Variants in BCL11B observed in about 807,000 individuals in gnomAD.
BCL11B encodes B-cell lymphoma/leukemia 11B.
Under a neutral mutation model 49.9 loss-of-function variants are expected in BCL11B, and 8 were observed. That is an observed-to-expected ratio of 0.16 (90% CI 0.09 to 0.29). BCL11B has a LOEUF of 0.29. Among genes scored for constraint, BCL11B ranks in the 10% least tolerant of loss-of-function variants. The probability of loss-of-function intolerance (pLI) is 1.00; values close to 1 mark genes in which losing one functional copy is unlikely to be tolerated. For missense variants in BCL11B, 1,006 were observed against 1,351.0 expected (o/e 0.74, Z 4.00); for synonymous variants, 739 against 637.4 (o/e 1.16, Z -2.40).
chr14:99,254,035 T>G (rs1255159749), intron 2 of BCL11B, among the ~76,000 whole-genome samples: 2 of 152,212 alleles, frequency 1.3e-5, no homozygotes, highest in Non-Finnish European at 2.9e-5. Flanking sequence ...GGATCCAGAA[T>G]GCACACGTCA....
chr14:99,214,126 G>C (rs1887763978), intron 3 of BCL11B, among the ~76,000 whole-genome samples: 1 of 152,152 alleles, frequency 6.6e-6, no homozygotes, highest in Non-Finnish European at 1.5e-5. Context: ...TTCTGGCACA[G>C]TGAGTGTCCC....
At chr14:99,260,684 T>C (rs1423125491) in intron 1 of BCL11B, among the ~76,000 whole-genome samples, 1 of 152,160 alleles carries the variant, frequency 6.6e-6, no homozygotes, top group African/African-American at 2.4e-5. Context: ...ACATCTGGTA[T>C]TCTTTCCTTT....
In BCL11B at chr14:99,242,837, G is replaced by A. The variant is rs908863578; in HGVS notation, c.428-11280C>T. Among the ~76,000 whole-genome samples, 1 of 152,190 alleles carries A rather than the reference G, an allele frequency of 6.6e-6. No homozygotes were observed. The highest frequency in any genetic ancestry group is 2.4e-5 in the African/African-American group (1 of 41,446). ...AAAAAGTAAAATGGAGCCCCAATAG[G>A]ACACTTAGGCCCTCTGGCTTCCCTA... is the stretch of plus-strand genomic sequence containing the variant. On this transcript the variant is annotated intron_variant, in intron 2 of 3. Coordinates refer to ENST00000357195, the MANE Select transcript of BCL11B (RefSeq NM_138576.4). This position sits in a 1 kb window ranked among gnomAD's most constrained non-coding sequence, Gnocchi z 4.4.
At chr14:99,217,083 C>A (rs144939767) in intron 3 of BCL11B, among the ~76,000 whole-genome samples, 1 of 152,124 alleles carries the variant, frequency 6.6e-6, no homozygotes, top group Non-Finnish European at 1.5e-5. Context: ...CACATGCACA[C>A]CCCCACATTC....
intron 2 of BCL11B, among the ~76,000 whole-genome samples, chr14:99,256,507 GGCT>G (rs1226491057): frequency 2.0e-5 from 3 of 152,156 alleles, no homozygotes; most frequent in Non-Finnish European, 4.4e-5. Context: ...CTCCAGCACA[GGCT>G]GCTGCTTTTT....
At chr14:99,271,010 C>G (rs1175658162) in intron 1 of BCL11B, 151 bp downstream of exon 1, 7 of 781,700 alleles carry the variant, frequency 9.0e-6, no homozygotes, top group Non-Finnish European at 1.1e-5. Context: ...CCCCGCCCCC[C>G]GCCATGCTCC....
At chr14:99,217,409 C>CACACACACACACAA (rs1887883688) in intron 3 of BCL11B, among the ~76,000 whole-genome samples, 1 of 151,130 alleles carries the variant, frequency 6.6e-6, no homozygotes, top group Non-Finnish European at 1.5e-5. Context: ...CACACACACA[C>CACACACACACACAA]ACACACACGG....
rs1434563254 is a variant in BCL11B at position 99,170,297 on chromosome 14, GAA to G, written c.*3852_*3853del. ...CTTTGCAAAGGTAAGTGGCAAGGAGGAAAGAGTGCATCGAACAGAAAAGCTTC... is the reference window on the plus strand; with the variant it reads ...CTTTGCAAAGGTAAGTGGCAAGGAGGAGAGTGCATCGAACAGAAAAGCTTC... On this transcript the variant is annotated 3_prime_UTR_variant, in exon 4 of 4. Coordinates refer to ENST00000357195, the MANE Select transcript of BCL11B (RefSeq NM_138576.4). 2 of 221,572 alleles carry G rather than the reference GAA, an allele frequency of 9.0e-6. No homozygotes were observed. Among genetic ancestry groups the G allele is most frequent in the Non-Finnish European group, 1.8e-5 (2 of 110,656 alleles). The allele number at this position is 221,572 out of a possible 1,614,324, so 13.7% of individuals were successfully genotyped here.
Position 99,240,188 on chromosome 14 carries a change from GGAAA to G in BCL11B, c.428-8635_428-8632del, listed in dbSNP as rs982267036. On this transcript the variant is annotated intron_variant, in intron 2 of 3. Coordinates refer to ENST00000357195, the MANE Select transcript of BCL11B (RefSeq NM_138576.4). ...TAGAAGGTTAAAAAGAAAGAAAAAA[GGAAA>G]GAAAGAAAGGAAGAGAGAGAAAAGA... 2.6e-4 allele frequency among the ~76,000 whole-genome samples: 40 copies of G among 151,998 alleles called. 1 individual carries two copies. Among genetic ancestry groups the G allele is most frequent in the African/African-American group, 8.9e-4 (37 of 41,432 alleles).
chr14:99,182,157 C>A (rs17098348), intron 3 of BCL11B, among the ~76,000 whole-genome samples: 37,994 of 152,040 alleles, frequency 0.25, 4,952 homozygotes, highest in East Asian at 0.41. Flanking sequence ...AAAGGCGGAA[C>A]TGGGGAAATA....
chr14:99,209,181 T>G (rs1053228459), intron 3 of BCL11B, among the ~76,000 whole-genome samples: 4 of 152,166 alleles, frequency 2.6e-5, no homozygotes, highest in Non-Finnish European at 5.9e-5. Flanking sequence ...TTTCCTCATT[T>G]GCAAGACGGG....
rs1480666151 is a variant in BCL11B at position 99,192,949 on chromosome 14, GTGAATAAGTGAA to G, written c.641-16766_641-16755del. On this transcript the variant is annotated intron_variant, in intron 3 of 3. Coordinates refer to ENST00000357195, the MANE Select transcript of BCL11B (RefSeq NM_138576.4). This position sits in a 1 kb window ranked among gnomAD's most constrained non-coding sequence, Gnocchi z 4.0. ...AATGAATGAGTAAATTAGTGAATAA[GTGAATAAGTGAA>G]TGAATGAATGAGTGAATAAGTGAGT... Among the ~76,000 whole-genome samples, 10 of 152,286 alleles carry G rather than the reference GTGAATAAGTGAA, an allele frequency of 6.6e-5. No homozygotes were observed. Among genetic ancestry groups the G allele is most frequent in the African/African-American group, 2.4e-4 (10 of 41,556 alleles).
chr14:99,249,638 G>A (rs188556215), intron 2 of BCL11B, among the ~76,000 whole-genome samples: 1 of 152,298 alleles, frequency 6.6e-6, no homozygotes, highest in East Asian at 1.9e-4. Flanking sequence ...TGCCGGAGTT[G>A]ACACCCTGGG....
chr14:99,265,872 T>G (rs1247652867), intron 1 of BCL11B, among the ~76,000 whole-genome samples: 2 of 152,238 alleles, frequency 1.3e-5, no homozygotes, highest in Non-Finnish European at 2.9e-5. Context: ...GGGTAACCTC[T>G]TCTGCTCATA....
intron 2 of BCL11B, among the ~76,000 whole-genome samples, chr14:99,249,241 T>TGAA (rs1318629591): frequency 6.6e-6 from 1 of 152,168 alleles, no homozygotes; most frequent in Non-Finnish European, 1.5e-5. Flanking sequence ...CATGACACAG[T>TGAA]GAAGACCCAG....
At position 99,199,240 on chromosome 14, in the gene BCL11B, A is replaced by C. The variant is rs190182261; in HGVS notation, c.641-23045T>G. On this transcript the variant is annotated intron_variant, in intron 3 of 3. Coordinates refer to ENST00000357195, the MANE Select transcript of BCL11B (RefSeq NM_138576.4). ...AGTTAGAAGTGTTCATTTTCATTTC[A>C]ATGTATTCATCTCTGGCTCCTAATG... is the stretch of plus-strand genomic sequence containing the variant. 2.6e-5 allele frequency among the ~76,000 whole-genome samples: 4 copies of C among 152,310 alleles called. No individual in the cohort carries two copies. In the East Asian group the frequency reaches 7.7e-4, roughly 29 times the overall value.
At chr14:99,216,924 A>G (rs1166573630) in intron 3 of BCL11B, among the ~76,000 whole-genome samples, 1 of 72,510 alleles carries the variant, frequency 1.4e-5, no homozygotes, top group Admixed American at 1.5e-4. Context: ...ATGTACTCAC[A>G]TGCACAAATA....
In BCL11B at chr14:99,175,903, C is replaced by G. The variant is rs201912349; in HGVS notation, c.933G>C (p.Pro311=). 6.9e-7 allele frequency: 1 copy of G among 1,452,830 alleles called. No individual in the cohort carries two copies. Among genetic ancestry groups the G allele is most frequent in the Non-Finnish European group, 9.0e-7 (1 of 1,105,496 alleles). 90.0% of individuals were successfully genotyped at this position (1,452,830 alleles called of 1,614,324 possible). A position where few individuals can be genotyped will look rare whatever the true frequency, so the allele number is the denominator to read the frequency against. Residue 311 remains proline, a synonymous_variant, in exon 4 of 4, where the codon CCG becomes CCC. Coordinates refer to ENST00000357195, the MANE Select transcript of BCL11B (RefSeq NM_138576.4). ...DHPGFGEGRL[P]GTPPLFSPPP... Reference sequence around the variant, plus strand: ...GGGGACTGAAGAGAGGCGGCGTGCCCGGCAGGCGGCCCTCGCCGAAGCCCG... The same window carrying G: ...GGGGACTGAAGAGAGGCGGCGTGCCGGGCAGGCGGCCCTCGCCGAAGCCCG...
At chr14:99,260,956 C>G (rs982977465) in intron 1 of BCL11B, among the ~76,000 whole-genome samples, 2 of 152,134 alleles carry the variant, frequency 1.3e-5, no homozygotes, top group Non-Finnish European at 2.9e-5. Flanking sequence ...CTAAGGGAGT[C>G]TGGGAGGAAA....
Sources: allele counts gnomAD v4.1 joint callset (sites outside exome capture counted in the v4.1 genomes callset), GRCh38; gene constraint gnomAD v4.1.1; non-coding constraint Gnocchi (gnomAD v3.1); transcripts MANE v1.5; gene names NCBI Gene and HGNC (gene_info 2026-07-23, HGNC 2026-07-21).